The following MCC variants were observed in gnomAD, a reference collection of about 807,000 sequenced individuals.
The protein encoded by MCC is colorectal mutant cancer protein.
A neutral mutation model predicts 116.2 loss-of-function variants in MCC; 90 were observed. That is an observed-to-expected ratio of 0.77 (90% confidence interval 0.65 to 0.92). The LOEUF is 0.92. Among genes scored for constraint, MCC ranks in the 40% least tolerant of loss-of-function variants. The pLI, the probability that MCC is intolerant of heterozygous loss-of-function variation, is 0.00. For missense variants in MCC, 1,516 were observed against 1,312.2 expected (o/e 1.16, Z -2.40); for synonymous variants, 578 against 510.5 (o/e 1.13, Z -1.78).
At chr5:113,353,398 C>G (rs895819076) in intron 2 of MCC, among the ~76,000 whole-genome samples, 1 of 152,040 alleles carries the variant, frequency 6.6e-6, no homozygotes, top group African/African-American at 2.4e-5. Flanking sequence ...AGAAGGATGA[C>G]AGTGTTTATC....
intron 18 of MCC, among the ~76,000 whole-genome samples, chr5:113,027,836 C>T (rs1157069371): frequency 6.6e-6 from 1 of 152,172 alleles, no homozygotes. Context: ...TGGTTGCTTG[C>T]AACATAGTCA....
chr5:113,439,211 G>A (rs894061358), intron 1 of MCC, among the ~76,000 whole-genome samples: 1 of 152,242 alleles, frequency 6.6e-6, no homozygotes, highest in African/African-American at 2.4e-5. Context: ...GCCAAAGCTG[G>A]AGTGTCGGGG....
At position 113,385,076 on chromosome 5, in the gene MCC, C is replaced by A. The variant is rs559850404; in HGVS notation, c.307G>T (p.Glu103Ter). The A allele has an allele frequency of 6.2e-7, 1 of 1,614,212 alleles. No homozygotes were observed. Among genetic ancestry groups the A allele is most frequent in the East Asian group, 2.2e-5 (1 of 44,884 alleles). The change falls in exon 2 of 19, where the codon GAA becomes TAA. Residue 103 changes from glutamate (E) to a stop codon, truncating the protein, a stop_gained. Coordinates refer to ENST00000408903, the MANE Select transcript of MCC (RefSeq NM_001085377.2). LOFTEE classifies it high-confidence loss of function. ...FTRCRMQLVREIRKEEVDLSA... is the reference protein window; with the variant it reads ...FTRCRMQLVR Reference sequence around the variant, plus strand: ...AGATCTACTTCCTCCTTCCTAATTTCTCGAACAAGCTGCATGCGGCATCTT... The same window carrying A: ...AGATCTACTTCCTCCTTCCTAATTTATCGAACAAGCTGCATGCGGCATCTT...
At chr5:113,372,818 A>T (rs1335036455) in intron 2 of MCC, among the ~76,000 whole-genome samples, 1 of 152,140 alleles carries the variant, frequency 6.6e-6, no homozygotes, top group Admixed American at 6.5e-5. Context: ...TGGCCTCCCA[A>T]AGTGATGGGA....
At chr5:113,274,182 T>C (rs1403897992) in intron 3 of MCC, among the ~76,000 whole-genome samples, 1 of 152,234 alleles carries the variant, frequency 6.6e-6, no homozygotes, top group Non-Finnish European at 1.5e-5. Context: ...TCAATGCTTG[T>C]AACAATGTGT....
chr5:113,297,861 T>C (rs1184996214), intron 3 of MCC, among the ~76,000 whole-genome samples: 2 of 151,772 alleles, frequency 1.3e-5, no homozygotes, highest in Admixed American at 6.6e-5. Flanking sequence ...AAACAACTTG[T>C]AGATCTAGAA....
chr5:113,349,218 G>C (rs550985273), intron 2 of MCC, among the ~76,000 whole-genome samples: 1 of 151,988 alleles, frequency 6.6e-6, no homozygotes, highest in South Asian at 2.1e-4. Context: ...GTATTATCCC[G>C]ATACCAAAAC....
chr5:113,461,226 A>G (rs988824469), intron 1 of MCC, among the ~76,000 whole-genome samples: 3 of 152,184 alleles, frequency 2.0e-5, no homozygotes, highest in African/African-American at 4.8e-5. Context: ...ATGTCACTGT[A>G]CTCAAGCCTA....
intron 6 of MCC, among the ~76,000 whole-genome samples, chr5:113,112,323 G>A (rs542408419): frequency 3.3e-5 from 5 of 152,280 alleles, no homozygotes; most frequent in Admixed American, 3.3e-4. Flanking sequence ...TTGTTGGGAG[G>A]TGACTGGATC....
intron 17 of MCC, 116 bp downstream of exon 17, chr5:113,043,414 C>T: frequency 1.1e-6 from 1 of 951,840 alleles, no homozygotes; most frequent in Non-Finnish European, 1.6e-6. Flanking sequence ...GCTTCCAAGA[C>T]ATGGGTAAAG....
intron 3 of MCC, among the ~76,000 whole-genome samples, chr5:113,292,553 T>G (rs998971278): frequency 6.6e-6 from 1 of 152,034 alleles, no homozygotes; most frequent in African/African-American, 2.4e-5. Context: ...TTATAGGGAT[T>G]ACTTAGGGAG....
At chr5:113,035,190 T>G (rs1281011295) in intron 17 of MCC, among the ~76,000 whole-genome samples, 2 of 152,236 alleles carry the variant, frequency 1.3e-5, no homozygotes, top group Non-Finnish European at 2.9e-5. Context: ...AGTCACTCAT[T>G]GGGCTCAGAT....
intron 2 of MCC, among the ~76,000 whole-genome samples, chr5:113,342,247 G>T (rs1768036320): frequency 6.6e-6 from 1 of 152,126 alleles, no homozygotes; most frequent in Non-Finnish European, 1.5e-5. Context: ...TGATTGATGG[G>T]CATTTGGTCT....
intron 14 of MCC, among the ~76,000 whole-genome samples, chr5:113,058,654 A>G (rs1753001497): frequency 6.6e-6 from 1 of 152,206 alleles, no homozygotes; most frequent in Non-Finnish European, 1.5e-5. Flanking sequence ...ATGTCAGTCA[A>G]ACCTGGATAA....
rs193081601 is a variant in MCC at position 113,072,937 on chromosome 5, C to T, written c.1785-1703G>A. Among the ~76,000 whole-genome samples, 279 of 152,260 alleles carry T rather than the reference C, an allele frequency of 1.8e-3. 1 individual carries two copies. The highest frequency in any genetic ancestry group is 6.5e-3 in the African/African-American group (268 of 41,538). On this transcript the variant is annotated intron_variant, in intron 11 of 18. Coordinates refer to ENST00000408903, the MANE Select transcript of MCC (RefSeq NM_001085377.2). ...ATTCTTGATTTCCCCTGAACCTCAT[C>T]CTCCCTTATCTTCTCCATCTCAGTA...
In MCC at chr5:113,064,163, G is replaced by A; in HGVS notation, c.2034C>T (p.Asp678=). ...RAAGVGSSPG[D]QSGDENITQM... is the part of the protein sequence containing the mutation. The stretch of plus-strand genomic sequence containing the variant: ...GAGTGATGTTTTCATCCCCCGACTG[G>A]TCTCCTATGTGGCAGAGAAGCCAAC... The change falls in exon 14 of 19, where the codon GAC becomes GAT. Residue 678 remains aspartate (D), a synonymous_variant. Transcript: ENST00000408903. 2 of 1,609,490 alleles carry A rather than the reference G, an allele frequency of 1.2e-6. No homozygotes were observed. The highest frequency in any genetic ancestry group is 1.7e-6 in the Non-Finnish European group (2 of 1,177,170).
intron 14 of MCC, among the ~76,000 whole-genome samples, chr5:113,063,375 T>C (rs1375991685): frequency 6.6e-6 from 1 of 152,228 alleles, no homozygotes; most frequent in African/African-American, 2.4e-5. Context: ...GCTTCCTTTT[T>C]CAAGCACCCA....
intron 3 of MCC, among the ~76,000 whole-genome samples, chr5:113,246,940 C>G (rs1012321792): frequency 7.2e-5 from 11 of 152,156 alleles, no homozygotes; most frequent in Non-Finnish European, 1.5e-4. Flanking sequence ...GAGGCAAAAA[C>G]TGAAGCTAGG....
chr5:113,134,293 C>T (rs1758655311), intron 5 of MCC, among the ~76,000 whole-genome samples: 1 of 152,130 alleles, frequency 6.6e-6, no homozygotes, highest in Non-Finnish European at 1.5e-5. Context: ...ATATGGATAT[C>T]CACTTTTCCC....
Sources: allele counts gnomAD v4.1 joint callset (sites outside exome capture counted in the v4.1 genomes callset), GRCh38; gene constraint gnomAD v4.1.1; transcripts MANE v1.5; gene names NCBI Gene and HGNC (gene_info 2026-07-23, HGNC 2026-07-21).